Variants in PZP observed in about 807,000 individuals in gnomAD.
The protein encoded by PZP is pregnancy zone protein.
In PZP, 150 loss-of-function variants were observed where a neutral mutation model predicts 179.8. The ratio of observed to expected loss-of-function variants is 0.83; its 90% confidence interval spans 0.73 to 0.96. The LOEUF is 0.96. PZP is among the 40% of genes least tolerant of loss of function. The pLI is 0.00. For synonymous variants in PZP, 624 were observed against 652.3 expected, an observed-to-expected ratio of 0.96 and a Z score of 0.66; for missense variants, 1,689 against 1,764.0, an observed-to-expected ratio of 0.96 and a Z score of 0.76.
Position 9,164,491 on chromosome 12 carries a change from C to T in PZP, c.2488-232G>A, listed in dbSNP as rs771593790. The stretch of plus-strand genomic sequence containing the variant: ...TGCCTTAGGGTAGCTTGTGGACGTG[C>T]AGGCTTGGCAGTGGCAGAGGAAAGG... On this transcript the variant is annotated intron_variant, in intron 19 of 35. Transcript: ENST00000261336. Among the ~76,000 whole-genome samples, 90 of 152,280 alleles carry T rather than the reference C, an allele frequency of 5.9e-4. 1 individual carries two copies. Among genetic ancestry groups the T allele is most frequent in the African/African-American group, 2.2e-3 (90 of 41,556 alleles).
intron 7 of PZP, among the ~76,000 whole-genome samples, chr12:9,199,238 C>T (rs1944013692): frequency 6.6e-6 from 1 of 152,170 alleles, no homozygotes; most frequent in African/African-American, 2.4e-5. Context: ...GTTTAAGTCA[C>T]TTCTATAAAA....
At chr12:9,147,308 A>G (rs74859113), downstream of PZP, among the ~76,000 whole-genome samples, 32 of 152,316 alleles carry the variant, frequency 2.1e-4, no homozygotes, top group East Asian at 4.1e-3. Context: ...CTGGCAAGAT[A>G]GAAACCAGTT....
At chr12:9,139,553 G>T in the PZP span, among the ~76,000 whole-genome samples, 1 of 152,012 alleles carries the variant, frequency 6.6e-6, no homozygotes, top group South Asian at 2.1e-4. Context: ...TTATTTTATT[G>T]CTCCCTATTT....
At chr12:9,193,276 G>T (rs775274114) in intron 11 of PZP, among the ~76,000 whole-genome samples, 1 of 152,014 alleles carries the variant, frequency 6.6e-6, no homozygotes, top group Non-Finnish European at 1.5e-5. Context: ...TATTTCCCTT[G>T]TGGTAACTGC....
In PZP at chr12:9,200,347, A is replaced by G. The variant is rs949127751; in HGVS notation, c.755+17T>C. ...GAGGCAAAATATAAAATTTTAGATAAAAACAATGTAACTCACTCTCCACAG... is the reference window on the plus strand; with the variant it reads ...GAGGCAAAATATAAAATTTTAGATAGAAACAATGTAACTCACTCTCCACAG... On this transcript the variant is annotated intron_variant, in intron 7 of 35. Transcript: ENST00000261336. 2.6e-6 allele frequency: 4 copies of G among 1,545,544 alleles called. No homozygotes were observed. In the African/African-American group the frequency reaches 5.5e-5, roughly 21 times the overall value.
rs759395888 is a variant in PZP at position 9,194,101 on chromosome 12, G to C, written c.1230C>G (p.Ile410Met). Residue 410 changes from isoleucine (I) to methionine (M), a missense_variant, in exon 11 of 36, where the codon ATC becomes ATG. Ile to Met is a conservative substitution (Grantham distance 10). Coordinates refer to ENST00000261336, the MANE Select transcript of PZP (RefSeq NM_002864.3). The stretch of plus-strand genomic sequence containing the variant: ...CCCGGACAAAAAGTTTATTAACCGA[G>C]ATACTGGTAGTATTGATTGAAAACT... ...LAQFSINTTSISVNKLFVRVF... is the reference protein window; with the variant it reads ...LAQFSINTTSMSVNKLFVRVF... 2 of 1,613,510 alleles carry C rather than the reference G, an allele frequency of 1.2e-6. No homozygotes were observed. Among genetic ancestry groups the C allele is most frequent in the Non-Finnish European group, 8.5e-7 (1 of 1,179,762 alleles).
chr12:9,140,401 T>C, the PZP span, among the ~76,000 whole-genome samples: 1 of 152,176 alleles, frequency 6.6e-6, no homozygotes, highest in Non-Finnish European at 1.5e-5. Flanking sequence ...CTCGGCCCAA[T>C]TGGTTGAGAT....
At position 9,181,116 on chromosome 12, in the gene PZP, C is replaced by A. The variant is rs2120962070; in HGVS notation, c.1706G>T (p.Ser569Ile). 2 of 1,614,110 alleles carry A rather than the reference C, an allele frequency of 1.2e-6. No individual in the cohort carries two copies. The highest frequency in any genetic ancestry group is 1.7e-4 in the Middle Eastern group (1 of 6,060). Reference protein sequence around the residue: ...CLANKVDLSFSPAQSPPASHA... With the variant: ...CLANKVDLSFIPAQSPPASHA... ...TGAGGCTGGGGGACTTTGTGCTGGG[C>A]TGAAGCTCAAATCCACCTGTGGGAA... The change falls in exon 15 of 36, where the codon AGC becomes ATC. Residue 569 changes from serine (S) to isoleucine (I), a missense_variant. By Grantham distance (142) the Ser-to-Ile change is moderately radical. Coordinates refer to ENST00000261336, the MANE Select transcript of PZP (RefSeq NM_002864.3).
chr12:9,205,726 C>A (rs2121255309), intron 1 of PZP, among the ~76,000 whole-genome samples: 1 of 152,320 alleles, frequency 6.6e-6, no homozygotes, highest in South Asian at 2.1e-4. Context: ...CCCTTACTTT[C>A]CATTGCCAAC....
chr12:9,202,285 C>G, intron 4 of PZP, 34 bp downstream of exon 4: 1 of 1,578,966 alleles, frequency 6.3e-7, no homozygotes, highest in Non-Finnish European at 8.7e-7. Context: ...TCCCACTCTA[C>G]CCACAACCCA....
intron 10 of PZP, 72 bp from the exon 11 acceptor site, chr12:9,194,310 C>T: frequency 7.0e-7 from 1 of 1,418,860 alleles, no homozygotes; most frequent in Non-Finnish European, 9.6e-7. Flanking sequence ...TGAACAAATG[C>T]TTTTGCTGCT....
chr12:9,163,911 C>T, intron 20 of PZP, 122 bp from the exon 21 acceptor site: 1 of 1,341,906 alleles, frequency 7.5e-7, no homozygotes, highest in Non-Finnish European at 1.0e-6. Flanking sequence ...AAGAAACCCA[C>T]AAGGTTAATG....
At chr12:9,162,829 T>C (rs996714297) in intron 21 of PZP, among the ~76,000 whole-genome samples, 181 bp from the exon 22 acceptor site, 2 of 152,180 alleles carry the variant, frequency 1.3e-5, no homozygotes, top group Non-Finnish European at 2.9e-5. Flanking sequence ...GTTTGTTACA[T>C]AGGTAAATGT....
intron 29 of PZP, among the ~76,000 whole-genome samples, chr12:9,153,805 A>G (rs755780901): frequency 1.3e-5 from 2 of 152,212 alleles, no homozygotes; most frequent in Non-Finnish European, 2.9e-5. Context: ...GAAAAACAAA[A>G]GTTTCACTAT....
At chr12:9,206,039 T>C (rs940836094) in intron 1 of PZP, among the ~76,000 whole-genome samples, 5 of 152,202 alleles carry the variant, frequency 3.3e-5, no homozygotes, top group African/African-American at 1.2e-4. Context: ...TAAGGTTTTG[T>C]TCTCTAGCAG....
chr12:9,208,290 G>A lies in PZP; in HGVS notation c.52C>T (p.Leu18Phe), dbSNP rs1286713000. 2 of 1,613,754 alleles carry A rather than the reference G, an allele frequency of 1.2e-6. No individual in the cohort carries two copies. Among genetic ancestry groups the A allele is most frequent in the East Asian group, 2.2e-5 (1 of 44,866 alleles). ...HLCLVLLLIL[L>F]SASDSNSTEP... The stretch of plus-strand genomic sequence containing the variant: ...GTAGAGTTTGAGTCACTGGCAGAAA[G>A]CAGGATAAGAAGTAGCACAAGACAT... Residue 18 changes from leucine to phenylalanine, a missense_variant, in exon 1 of 36, where the codon CTT becomes TTT. Leu to Phe is a conservative substitution (Grantham distance 22, BLOSUM62 0). This residue lies in a region of PZP where 742 missense variants were observed against 730.5 expected (regional missense o/e 1.02). Coordinates refer to ENST00000261336, the MANE Select transcript of PZP (RefSeq NM_002864.3).
downstream of PZP, among the ~76,000 whole-genome samples, chr12:9,147,598 A>G (rs903704960): frequency 1.2e-4 from 19 of 152,028 alleles, no homozygotes; most frequent in Admixed American, 9.8e-4. Context: ...TTGTTACTAA[A>G]CTGGTGTTCA....
chr12:9,185,182 C>T (rs746449742), intron 13 of PZP, among the ~76,000 whole-genome samples: 74 of 152,232 alleles, frequency 4.9e-4, no homozygotes, highest in African/African-American at 1.7e-3. Flanking sequence ...CTAAGAATCA[C>T]AATAAAATGA....
At chr12:9,180,205 A>C (rs11049267) in intron 15 of PZP, among the ~76,000 whole-genome samples, 4,293 of 152,286 alleles carry the variant, frequency 0.028, 185 homozygotes, top group African/African-American at 0.094. Flanking sequence ...ACATATGTAT[A>C]CATGTGCCAT....
Sources: allele counts gnomAD v4.1 joint callset (sites outside exome capture counted in the v4.1 genomes callset), GRCh38; gene constraint gnomAD v4.1.1; regional missense constraint gnomAD v4.1.1; transcripts MANE v1.5; gene names NCBI Gene and HGNC (gene_info 2026-07-23, HGNC 2026-07-21).